FER: variants seen among roughly 807,000 people sequenced by gnomAD.
The protein encoded by FER is tyrosine-protein kinase Fer.
A neutral mutation model predicts 111.0 loss-of-function variants in FER; 63 were observed. That is an observed-to-expected ratio of 0.57 (90% CI 0.46 to 0.70). The LOEUF (loss-of-function observed/expected upper bound fraction) is 0.70. FER is among the 30% of genes least tolerant of loss of function. The probability of loss-of-function intolerance (pLI) is 0.00; values close to 1 mark genes in which losing one functional copy is unlikely to be tolerated. For synonymous variants in FER, 327 were observed against 313.9 expected, an observed-to-expected ratio of 1.04 and a Z score of -0.44; for missense variants, 914 against 954.0, an observed-to-expected ratio of 0.96 and a Z score of 0.55.
chr5:108,838,847 G>C (rs2150147848), intron 5 of FER, among the ~76,000 whole-genome samples: 1 of 152,238 alleles, frequency 6.6e-6, no homozygotes, highest in East Asian at 1.9e-4. Context: ...GCATTGCTGT[G>C]TGGTATGTTG....
intron 19 of FER, among the ~76,000 whole-genome samples, chr5:109,186,668 A>T (rs375977856): frequency 2.0e-5 from 3 of 152,192 alleles, no homozygotes; most frequent in Non-Finnish European, 4.4e-5. Flanking sequence ...AATATTCCCA[A>T]TTGAAATGCA....
intron 13 of FER, among the ~76,000 whole-genome samples, chr5:108,966,358 A>G (rs573258963): frequency 1.7e-4 from 26 of 151,612 alleles, no homozygotes; most frequent in African/African-American, 5.8e-4. Flanking sequence ...TCATCATTTT[A>G]AAGTATTTAT....
chr5:108,867,913 T>C lies in FER; in HGVS notation c.628T>C (p.Ser210Pro). Residue 210 changes from serine to proline, a missense_variant, in exon 6 of 20, where the codon TCC (serine) becomes CCC (proline). Ser to Pro is a moderately conservative substitution (Grantham distance 74). Transcript: ENST00000281092. ...TATCACACTTCCCCTGCTTCTGGAC[T>C]CCTTACAAAAGATGCAAGAAGAAAT... The part of the protein sequence containing the change: ...YDITLPLLLD[S>P]LQKMQEEMIK... The C allele has an allele frequency of 6.2e-7, 1 of 1,610,296 alleles. No individual in the cohort carries two copies. The highest frequency in any genetic ancestry group is 8.5e-7 in the Non-Finnish European group (1 of 1,178,796).
At chr5:109,156,395 C>T (rs1315479302) in intron 17 of FER, among the ~76,000 whole-genome samples, 1 of 151,974 alleles carries the variant, frequency 6.6e-6, no homozygotes, top group African/African-American at 2.4e-5. Context: ...GTACCATTGG[C>T]TGATAAAGAA....
intron 1 of FER, among the ~76,000 whole-genome samples, chr5:108,752,029 G>A (rs990159406): frequency 2.0e-5 from 3 of 151,912 alleles, no homozygotes; most frequent in African/African-American, 7.3e-5. Context: ...TAGATCTCTG[G>A]ATTGCTTTAT....
chr5:108,911,412 G>T (rs1161155480), intron 10 of FER, among the ~76,000 whole-genome samples: 2 of 152,056 alleles, frequency 1.3e-5, no homozygotes, highest in Non-Finnish European at 2.9e-5. Flanking sequence ...CTCCTATACT[G>T]TAGATTGTGT....
Position 108,798,142 on chromosome 5 carries a change from G to C in FER, c.-41G>C. On this transcript the variant is annotated 5_prime_UTR_variant, in exon 3 of 20. Transcript: ENST00000281092. ...TACACAGATATGTGCTGATTAGAAG[G>C]CTCACTTGTGCAGTGTGGAGGATAA... 6.8e-7 allele frequency: 1 copy of C among 1,470,970 alleles called. No homozygotes were observed. The allele number at this position is 1,470,970 out of a possible 1,614,324, so 91.1% of individuals were successfully genotyped here.
chr5:109,173,081 A>G (rs1368342926), intron 17 of FER, among the ~76,000 whole-genome samples: 3 of 152,220 alleles, frequency 2.0e-5, no homozygotes, highest in African/African-American at 7.2e-5. Context: ...TCTAAGCTAA[A>G]GAAAAGAATA....
chr5:109,080,056 G>T (rs1288725854), intron 16 of FER, among the ~76,000 whole-genome samples: 1 of 151,438 alleles, frequency 6.6e-6, no homozygotes, highest in African/African-American at 2.4e-5. Context: ...TCCTCCCATG[G>T]TTAAATGAAT....
intron 17 of FER, among the ~76,000 whole-genome samples, chr5:109,151,781 C>T (rs77326471): frequency 0.11 from 15,985 of 151,998 alleles, 852 homozygotes; most frequent in Non-Finnish European, 0.12. Flanking sequence ...TTTTTACAGA[C>T]GAAGTTATGA....
chr5:109,115,548 C>G (rs1750125495), intron 17 of FER, among the ~76,000 whole-genome samples: 1 of 152,080 alleles, frequency 6.6e-6, no homozygotes, highest in African/African-American at 2.4e-5. Context: ...GTTATCTTAT[C>G]CTCAAGTTAT....
intron 5 of FER, among the ~76,000 whole-genome samples, chr5:108,836,841 T>C (rs1210703735): frequency 6.6e-6 from 1 of 151,976 alleles, no homozygotes; most frequent in East Asian, 1.9e-4. Context: ...TCCCTTGGAC[T>C]CCCTGTTTGT....
intron 17 of FER, among the ~76,000 whole-genome samples, chr5:109,135,151 C>A (rs1253999430): frequency 6.6e-6 from 1 of 152,140 alleles, no homozygotes; most frequent in Admixed American, 6.5e-5. Context: ...AAAGTCAAGA[C>A]AGGTGGGGAA....
chr5:109,164,150 G>C (rs1257610843), intron 17 of FER, among the ~76,000 whole-genome samples: 1 of 152,164 alleles, frequency 6.6e-6, no homozygotes, highest in East Asian at 1.9e-4. Context: ...CCAGTAAGGT[G>C]TTTTCAGAGG....
chr5:108,809,378 TG>T (rs1429257441), intron 3 of FER, among the ~76,000 whole-genome samples: 2 of 152,232 alleles, frequency 1.3e-5, no homozygotes, highest in Non-Finnish European at 2.9e-5. Context: ...AGCTTTCAGT[TG>T]TCTTTTGAAA....
chr5:108,837,891 A>G (rs896646423), intron 5 of FER, among the ~76,000 whole-genome samples: 2 of 152,142 alleles, frequency 1.3e-5, no homozygotes, highest in African/African-American at 4.8e-5. Context: ...ATCTTTTTTT[A>G]AAAATTATAC....
intron 13 of FER, among the ~76,000 whole-genome samples, chr5:108,990,673 A>AAG (rs1202808350): frequency 2.0e-5 from 3 of 151,712 alleles, no homozygotes; most frequent in Admixed American, 6.6e-5. Flanking sequence ...AAATGGTCTT[A>AAG]AGAGAGAGAG....
intron 3 of FER, among the ~76,000 whole-genome samples, chr5:108,822,320 A>G (rs1208898707): frequency 3.3e-5 from 5 of 152,204 alleles, no homozygotes; most frequent in African/African-American, 9.7e-5. Context: ...TGCCTGTCCT[A>G]GTCCAAGTTC....
At chr5:109,127,403 A>G (rs1751850239) in intron 17 of FER, among the ~76,000 whole-genome samples, 1 of 151,600 alleles carries the variant, frequency 6.6e-6, no homozygotes, top group Non-Finnish European at 1.5e-5. Context: ...TTTTATTTTT[A>G]CTTTTATTTG....
Sources: gnomAD v4.1 joint callset for allele counts (sites outside exome capture counted in the v4.1 genomes callset) on GRCh38, gnomAD v4.1.1 for gene constraint, MANE v1.5 for transcripts, NCBI Gene and HGNC (gene_info 2026-07-23, HGNC 2026-07-21) for gene names.